The following HS6ST3 variants were observed in gnomAD, a reference collection of about 807,000 sequenced individuals.
HS6ST3 encodes heparan-sulfate 6-O-sulfotransferase 3.
A neutral mutation model predicts 36.7 loss-of-function variants in HS6ST3; 12 were observed. The ratio of observed to expected loss-of-function variants is 0.33; its 90% CI spans 0.21 to 0.53. HS6ST3 has a LOEUF of 0.53. HS6ST3 is among the 20% of genes least tolerant of loss of function. HS6ST3 has a pLI of 0.95. For missense variants in HS6ST3, 584 were observed against 640.9 expected (o/e 0.91, Z 0.96); for synonymous variants, 240 against 257.5 (o/e 0.93, Z 0.65).
rs759075434 is a variant in HS6ST3 at position 96,242,391 on chromosome 13, T to C, written c.707+150822T>C. On this transcript the variant is annotated intron_variant, in intron 1 of 1. Coordinates refer to ENST00000376705, the MANE Select transcript of HS6ST3 (RefSeq NM_153456.4). Reference sequence around the variant, plus strand: ...AGGTGCACTCCTGGATAATTTTTTGTCTTTTTTATAGAGATGGGGTTTTTG... The same window carrying C: ...AGGTGCACTCCTGGATAATTTTTTGCCTTTTTTATAGAGATGGGGTTTTTG... Among the ~76,000 whole-genome samples the C allele has an allele frequency of 5.1e-4, 77 of 152,128 alleles. No individual in the cohort carries two copies. In the Middle Eastern group the frequency reaches 0.014, roughly 27 times the overall value.
chr13:96,492,677 T>C (rs74106484), intron 1 of HS6ST3, among the ~76,000 whole-genome samples: 2,266 of 152,288 alleles, frequency 0.015, 60 homozygotes, highest in African/African-American at 0.051. Context: ...TATCTGAGTT[T>C]GAACTCCTCC....
intron 1 of HS6ST3, among the ~76,000 whole-genome samples, chr13:96,233,291 A>G (rs1215275949): frequency 6.6e-6 from 1 of 152,176 alleles, no homozygotes; most frequent in East Asian, 1.9e-4. Flanking sequence ...AAGTTATATA[A>G]GGTATTATAT....
At chr13:96,233,551 T>C (rs2139368864) in intron 1 of HS6ST3, among the ~76,000 whole-genome samples, 1 of 152,152 alleles carries the variant, frequency 6.6e-6, no homozygotes, top group South Asian at 2.1e-4. Flanking sequence ...AGAGAAACAG[T>C]GATGAGGGCT....
chr13:96,729,781 G>A (rs1876100073), intron 1 of HS6ST3, among the ~76,000 whole-genome samples: 2 of 152,198 alleles, frequency 1.3e-5, no homozygotes, highest in Admixed American at 1.3e-4. Flanking sequence ...ATCAACTTCT[G>A]TTTTAGTATT....
intron 1 of HS6ST3, among the ~76,000 whole-genome samples, chr13:96,154,387 G>A (rs965398365): frequency 1.3e-5 from 2 of 152,090 alleles, no homozygotes; most frequent in African/African-American, 4.8e-5. Flanking sequence ...TTCAGGGAAA[G>A]TAAAGACTTT....
intron 1 of HS6ST3, among the ~76,000 whole-genome samples, chr13:96,679,721 T>C (rs2056711682): frequency 6.6e-6 from 1 of 152,194 alleles, no homozygotes; most frequent in South Asian, 2.1e-4. Flanking sequence ...AGCCCCCTTC[T>C]TTCCCAGAAG....
intron 1 of HS6ST3, among the ~76,000 whole-genome samples, chr13:96,664,392 AT>A (rs1458916207): frequency 1.3e-5 from 2 of 152,124 alleles, no homozygotes; most frequent in Non-Finnish European, 2.9e-5. Context: ...ACCATATGTC[AT>A]TTCATCACTC....
chr13:96,645,874 T>C (rs774291270), intron 1 of HS6ST3, among the ~76,000 whole-genome samples: 5 of 151,928 alleles, frequency 3.3e-5, no homozygotes, highest in Non-Finnish European at 5.9e-5. Flanking sequence ...ATAAACAATT[T>C]GGTAGCATAT....
intron 1 of HS6ST3, among the ~76,000 whole-genome samples, chr13:96,796,527 G>A (rs990616830): frequency 2.0e-5 from 3 of 152,110 alleles, no homozygotes; most frequent in Non-Finnish European, 4.4e-5. Flanking sequence ...GAATGTCTGT[G>A]ATGATTGGCT....
chr13:96,371,238 A>G (rs555705653), intron 1 of HS6ST3, among the ~76,000 whole-genome samples: 29 of 152,332 alleles, frequency 1.9e-4, no homozygotes, highest in Admixed American at 4.6e-4. Flanking sequence ...TCTCATATAT[A>G]TATGAATTGG....
chr13:96,714,820 T>A (rs995622004), intron 1 of HS6ST3, among the ~76,000 whole-genome samples: 3 of 152,104 alleles, frequency 2.0e-5, no homozygotes, highest in Non-Finnish European at 4.4e-5. Flanking sequence ...TGCTCTAACC[T>A]CCTAAGTAGA....
At chr13:96,523,962 C>A in intron 1 of HS6ST3, among the ~76,000 whole-genome samples, 1 of 152,302 alleles carries the variant, frequency 6.6e-6, no homozygotes, top group East Asian at 1.9e-4. Flanking sequence ...AATTTTCAGC[C>A]TTTCTGCTCT....
intron 1 of HS6ST3, among the ~76,000 whole-genome samples, chr13:96,095,424 T>C (rs1180427354): frequency 6.6e-6 from 1 of 152,252 alleles, no homozygotes; most frequent in Non-Finnish European, 1.5e-5. Context: ...TTAGTTTTGT[T>C]AGAATAGTTT....
chr13:96,400,182 CACAG>C (rs1297556619), intron 1 of HS6ST3, among the ~76,000 whole-genome samples: 1 of 151,346 alleles, frequency 6.6e-6, no homozygotes, highest in Non-Finnish European at 1.5e-5. Context: ...CACACACACA[CACAG>C]ACACATATAT....
chr13:96,500,385 G>A (rs1049629683), intron 1 of HS6ST3, among the ~76,000 whole-genome samples: 4 of 152,130 alleles, frequency 2.6e-5, no homozygotes, highest in African/African-American at 7.2e-5. Flanking sequence ...TAATGCTGCT[G>A]TAAACATTCA....
chr13:96,769,364 T>C (rs1410198819), intron 1 of HS6ST3, among the ~76,000 whole-genome samples: 1 of 151,738 alleles, frequency 6.6e-6, no homozygotes, highest in Non-Finnish European at 1.5e-5. Flanking sequence ...GTTACATATG[T>C]ATACATGTGC....
intron 1 of HS6ST3, among the ~76,000 whole-genome samples, chr13:96,204,510 A>G (rs1331593728): frequency 6.6e-6 from 1 of 152,162 alleles, no homozygotes; most frequent in Non-Finnish European, 1.5e-5. Context: ...ATAGATATCT[A>G]CAGAACTCTC....
chr13:96,658,326 G>A (rs1224928378), intron 1 of HS6ST3, among the ~76,000 whole-genome samples: 4 of 120,654 alleles, frequency 3.3e-5, no homozygotes, highest in African/African-American at 9.9e-5. Context: ...TGTTACCCAA[G>A]CTGGAGTGCA....
At chr13:96,343,959 G>T (rs1052556360) in intron 1 of HS6ST3, among the ~76,000 whole-genome samples, 5 of 152,226 alleles carry the variant, frequency 3.3e-5, no homozygotes, top group Admixed American at 2.0e-4. Flanking sequence ...AGCCAGGATG[G>T]TCTCAATCTC....
Sources: gnomAD v4.1 joint callset for allele counts (sites outside exome capture counted in the v4.1 genomes callset) on GRCh38, gnomAD v4.1.1 for gene constraint, MANE v1.5 for transcripts, NCBI Gene and HGNC (gene_info 2026-07-23, HGNC 2026-07-21) for gene names.